MARCHF1: variants seen among roughly 807,000 people sequenced by gnomAD.
MARCHF1 encodes the protein E3 ubiquitin-protein ligase MARCHF1.
A neutral mutation model predicts 54.2 loss-of-function variants in MARCHF1; 40 were observed. The observed-to-expected ratio is 0.74, with a 90% CI of 0.57 to 0.96. The LOEUF (loss-of-function observed/expected upper bound fraction) is 0.96. Among genes scored for constraint, MARCHF1 ranks in the 40% least tolerant of loss-of-function variants. The pLI, the probability that MARCHF1 is intolerant of heterozygous loss-of-function variation, is 0.00. For synonymous variants in MARCHF1, 236 were observed against 236.3 expected (o/e 1.00, Z 0.01); for missense variants, 586 against 656.5 (o/e 0.89, Z 1.17).
rs1191239937 is a variant in MARCHF1 at position 163,988,537 on chromosome 4, T to G, written c.-75A>C. The stretch of plus-strand genomic sequence containing the variant: ...TGTTCTTCTCTTTGTTTCTGCCCAT[T>G]GAATTTCTCCCATTGCTGGCAGTCT... On this transcript the variant is annotated 5_prime_UTR_variant, in exon 3 of 10. Transcript: ENST00000514618. The G allele has an allele frequency of 6.6e-6, 1 of 152,280 alleles. No individual in the cohort carries two copies. Among genetic ancestry groups the G allele is most frequent in the East Asian group, 1.9e-4 (1 of 5,198 alleles). 9.4% of individuals were successfully genotyped at this position (152,280 alleles called of 1,614,324 possible). A position where few individuals can be genotyped will look rare whatever the true frequency, so the allele number is the denominator to read the frequency against.
At chr4:164,142,851 G>T (rs1462913484) in intron 1 of MARCHF1, among the ~76,000 whole-genome samples, 1 of 152,042 alleles carries the variant, frequency 6.6e-6, no homozygotes, top group African/African-American at 2.4e-5. Context: ...AGAGAAGAAG[G>T]CTTCAGACGA....
intron 3 of MARCHF1, among the ~76,000 whole-genome samples, chr4:163,960,237 A>G (rs1043584287): frequency 1.3e-5 from 2 of 152,014 alleles, no homozygotes; most frequent in Non-Finnish European, 2.9e-5. Context: ...CGTTGTGGAA[A>G]GCAGTATAGA....
intron 5 of MARCHF1, among the ~76,000 whole-genome samples, chr4:163,633,597 A>G (rs1352084633): frequency 4.6e-5 from 7 of 152,236 alleles, no homozygotes; most frequent in East Asian, 1.9e-4. Flanking sequence ...GGGACTATGT[A>G]AAAAGACCAA....
At chr4:163,685,069 G>T (rs1051663771) in intron 5 of MARCHF1, among the ~76,000 whole-genome samples, 3 of 152,164 alleles carry the variant, frequency 2.0e-5, no homozygotes, top group Non-Finnish European at 2.9e-5. Context: ...TACATATACA[G>T]TAAGTCCTGC....
intron 1 of MARCHF1, among the ~76,000 whole-genome samples, chr4:164,176,970 C>CCA (rs3059788): frequency 0.037 from 2,097 of 56,960 alleles, 171 homozygotes; most frequent in South Asian, 0.092. Context: ...CTCTCTCTCT[C>CCA]TCTCTCTCTC....
At chr4:164,318,381 C>G (rs1735055580) in intron 1 of MARCHF1, among the ~76,000 whole-genome samples, 1 of 152,146 alleles carries the variant, frequency 6.6e-6, no homozygotes, top group Non-Finnish European at 1.5e-5. Flanking sequence ...GGAATCAATT[C>G]TCCCTTCTGT....
chr4:163,832,018 CA>C (rs1749038917), intron 4 of MARCHF1, among the ~76,000 whole-genome samples: 1 of 151,980 alleles, frequency 6.6e-6, no homozygotes, highest in Non-Finnish European at 1.5e-5. Context: ...AAGCAAAGCT[CA>C]AAACAGATTA....
chr4:163,995,292 G>C (rs1753053978), intron 2 of MARCHF1, among the ~76,000 whole-genome samples: 1 of 152,124 alleles, frequency 6.6e-6, no homozygotes, highest in Admixed American at 6.6e-5. Context: ...CAAAACATGT[G>C]AGAAAGGGTG....
chr4:163,643,241 T>C lies in MARCHF1; in HGVS notation c.163-29848A>G, dbSNP rs533526886. Among the ~76,000 whole-genome samples the C allele has an allele frequency of 3.3e-5, 5 of 151,244 alleles. No individual in the cohort carries two copies. In the East Asian group the frequency reaches 7.8e-4, roughly 24 times the overall value. ...TACTCGGGAGGCTGAGGCAGGAGAA[T>C]TGCTTGAGCCTGGGAGGCGGAGGTT... On this transcript the variant is annotated intron_variant, in intron 5 of 9. Transcript: ENST00000514618.
At chr4:163,690,695 A>G (rs1198527926) in intron 5 of MARCHF1, among the ~76,000 whole-genome samples, 3 of 152,172 alleles carry the variant, frequency 2.0e-5, no homozygotes, top group African/African-American at 7.2e-5. Flanking sequence ...GATATATTTC[A>G]TACTCTCCTC....
intron 1 of MARCHF1, among the ~76,000 whole-genome samples, chr4:164,335,791 A>C (rs1459137809): frequency 6.6e-6 from 1 of 152,182 alleles, no homozygotes; most frequent in Non-Finnish European, 1.5e-5. Flanking sequence ...ACATAATGCT[A>C]TAAATATAGT....
intron 5 of MARCHF1, among the ~76,000 whole-genome samples, chr4:163,620,772 A>G (rs929885412): frequency 6.6e-6 from 1 of 152,204 alleles, no homozygotes; most frequent in Non-Finnish European, 1.5e-5. Context: ...GTGTATGCAC[A>G]GAAAAAAATC....
chr4:163,937,887 A>G (rs570488984), intron 3 of MARCHF1, among the ~76,000 whole-genome samples: 52 of 152,320 alleles, frequency 3.4e-4, no homozygotes, highest in African/African-American at 1.2e-3. Flanking sequence ...GATTATTAAG[A>G]AAAATAGTGA....
chr4:164,026,311 T>G (rs1753767514), intron 2 of MARCHF1, among the ~76,000 whole-genome samples: 1 of 152,098 alleles, frequency 6.6e-6, no homozygotes, highest in Non-Finnish European at 1.5e-5. Context: ...ATCTCCCTGA[T>G]GAACGTAGAT....
At chr4:164,349,587 C>G (rs1730218744) in intron 1 of MARCHF1, among the ~76,000 whole-genome samples, 1 of 152,102 alleles carries the variant, frequency 6.6e-6, no homozygotes, top group South Asian at 2.1e-4. Flanking sequence ...TATGGGAATG[C>G]TTCTGGAATT....
chr4:163,832,072 A>G (rs1252348575), intron 4 of MARCHF1, among the ~76,000 whole-genome samples: 1 of 152,228 alleles, frequency 6.6e-6, no homozygotes, highest in Admixed American at 6.5e-5. Context: ...TTAGGAAGCT[A>G]TTACGATGAA....
chr4:164,254,448 T>A (rs1733212831), intron 1 of MARCHF1, among the ~76,000 whole-genome samples: 1 of 148,942 alleles, frequency 6.7e-6, no homozygotes, highest in East Asian at 1.9e-4. Flanking sequence ...ATAAGGTTAA[T>A]ACTTAATTAT....
chr4:163,994,243 A>T (rs1202397177), intron 2 of MARCHF1, among the ~76,000 whole-genome samples: 1 of 148,774 alleles, frequency 6.7e-6, no homozygotes, highest in African/African-American at 2.5e-5. Flanking sequence ...ATCGCTGAAG[A>T]ATGATAGAGA....
chr4:164,245,709 T>A (rs1732929432), intron 1 of MARCHF1, among the ~76,000 whole-genome samples: 1 of 151,228 alleles, frequency 6.6e-6, no homozygotes, highest in African/African-American at 2.4e-5. Flanking sequence ...CCCCATCGTC[T>A]CAGCCCAAAA....
Sources: gnomAD v4.1 joint callset for allele counts (sites outside exome capture counted in the v4.1 genomes callset) on GRCh38, gnomAD v4.1.1 for gene constraint, MANE v1.5 for transcripts, NCBI Gene and HGNC (gene_info 2026-07-23, HGNC 2026-07-21) for gene names.